FBXO31: variants seen among roughly 807,000 people sequenced by gnomAD.
FBXO31 encodes the protein F-box only protein 31.
FBXO31 carries 24 observed loss-of-function variants against 54.4 expected under a neutral mutation model. That is an observed-to-expected ratio of 0.44 (90% CI 0.32 to 0.62). The LOEUF (loss-of-function observed/expected upper bound fraction) is 0.62, where lower values mean the gene tolerates loss of function less well. FBXO31 is among the 20% of genes least tolerant of loss of function. The probability of loss-of-function intolerance (pLI) is 0.05; values close to 1 mark genes in which losing one functional copy is unlikely to be tolerated. For missense variants in FBXO31, 665 were observed against 787.1 expected, an observed-to-expected ratio of 0.84 and a Z score of 1.86; for synonymous variants, 388 against 335.6, an observed-to-expected ratio of 1.16 and a Z score of -1.71.
Position 87,336,364 on chromosome 16 carries a change from A to T in FBXO31, c.733-100T>A. On this transcript the variant is annotated intron_variant, in intron 5 of 8. Transcript: ENST00000311635. This position sits in a 1 kb window ranked among gnomAD's most constrained non-coding sequence, Gnocchi z 6.5. ...AGGACACAGTGTGTCCTTCTTTGTC[A>T]GTGCACAGGCACCTGCAGGGCCCTC... 1 of 1,033,234 alleles carries T rather than the reference A, an allele frequency of 9.7e-7. No individual in the cohort carries two copies. Among genetic ancestry groups the T allele is most frequent in the East Asian group, 2.5e-5 (1 of 40,696 alleles). 64.0% of individuals were successfully genotyped at this position (1,033,234 alleles called of 1,614,324 possible). A position where few individuals can be genotyped will look rare whatever the true frequency, so the allele number is the denominator to read the frequency against.
In FBXO31 at chr16:87,329,167, T is replaced by C; in HGVS notation, c.*2121A>G. On this transcript the variant is annotated 3_prime_UTR_variant, in exon 9 of 9. Transcript: ENST00000311635. ...TGCGGCCAAAAAGGCCTCCCTTTCCTGGCTGTGTGGCTCTGGCCCTGCCTG... is the reference window on the plus strand; with the variant it reads ...TGCGGCCAAAAAGGCCTCCCTTTCCCGGCTGTGTGGCTCTGGCCCTGCCTG... 6.5e-6 allele frequency: 1 copy of C among 152,710 alleles called. No individual in the cohort carries two copies. The highest frequency in any genetic ancestry group is 1.5e-5 in the Non-Finnish European group (1 of 68,340). 9.5% of individuals were successfully genotyped at this position (152,710 alleles called of 1,614,324 possible).
At chr16:87,354,608 A>C (rs959593794) in intron 2 of FBXO31, among the ~76,000 whole-genome samples, 2 of 152,176 alleles carry the variant, frequency 1.3e-5, no homozygotes, top group African/African-American at 4.8e-5. Context: ...CCAGAGTGCC[A>C]GGCAACCTCA....
intron 4 of FBXO31, among the ~76,000 whole-genome samples, chr16:87,343,259 T>A (rs887340593): frequency 5.9e-5 from 9 of 152,340 alleles, no homozygotes; most frequent in Non-Finnish European, 1.3e-4. Context: ...GTGCTCACCG[T>A]GGGGGCCACT....
At chr16:87,339,600 T>A (rs1905130751) in intron 5 of FBXO31, among the ~76,000 whole-genome samples, 1 of 152,148 alleles carries the variant, frequency 6.6e-6, no homozygotes, top group African/African-American at 2.4e-5. Flanking sequence ...ACCCTCACCC[T>A]GTCAACTCCC....
intron 1 of FBXO31, among the ~76,000 whole-genome samples, chr16:87,365,024 T>TATATATATATATTAA (rs1567482785): frequency 9.7e-6 from 1 of 102,912 alleles, no homozygotes; most frequent in Non-Finnish European, 2.0e-5. Flanking sequence ...TATATATATA[T>TATATATATATATTAA]ATATATATAT....
chr16:87,352,551 C>T (rs980801207), intron 2 of FBXO31, among the ~76,000 whole-genome samples: 4 of 152,184 alleles, frequency 2.6e-5, no homozygotes, highest in Non-Finnish European at 5.9e-5. Flanking sequence ...ATCCCACAGG[C>T]CTGTTCAGGT....
chr16:87,341,416 G>A (rs1478879117), intron 5 of FBXO31, among the ~76,000 whole-genome samples: 1 of 152,140 alleles, frequency 6.6e-6, no homozygotes, highest in Non-Finnish European at 1.5e-5. Flanking sequence ...GGCACTTTGG[G>A]AGGCCGAGAT....
At chr16:87,370,269 G>A (rs1223326024) in intron 1 of FBXO31, among the ~76,000 whole-genome samples, 3 of 152,182 alleles carry the variant, frequency 2.0e-5, no homozygotes, top group Non-Finnish European at 4.4e-5. Context: ...CAGCGTGGCC[G>A]AGCCCGCACT....
chr16:87,359,482 T>G (rs778903075), intron 2 of FBXO31, among the ~76,000 whole-genome samples: 10 of 152,352 alleles, frequency 6.6e-5, no homozygotes, highest in Non-Finnish European at 1.3e-4. Context: ...ACATGACTTT[T>G]GGTGCTGACA....
chr16:87,331,486 C>T lies in FBXO31; in HGVS notation c.1422G>A (p.Ala474=), dbSNP rs780671925. ...RMCFYGTGLI[A]GHGFTSPERT... ...GTTCAGGGCTGGTGAAGCCGTGGCC[C>T]GCGATGAGGCCTGTGCCATAAAAAC... is the stretch of plus-strand genomic sequence containing the variant. The change falls in exon 9 of 9, where the codon GCG becomes GCA. Residue 474 remains alanine, a synonymous_variant. Coordinates refer to ENST00000311635, the MANE Select transcript of FBXO31 (RefSeq NM_024735.5). 39 of 1,610,270 alleles carry T rather than the reference C, an allele frequency of 2.4e-5. No homozygotes were observed. The highest frequency in any genetic ancestry group is 1.7e-4 in the African/African-American group (13 of 74,870).
chr16:87,342,275 G>C (rs1386690752), intron 5 of FBXO31, among the ~76,000 whole-genome samples: 1 of 151,986 alleles, frequency 6.6e-6, no homozygotes, highest in Non-Finnish European at 1.5e-5. Context: ...GGCTGGTTTT[G>C]AACTCCTGAC....
chr16:87,370,737 G>C (rs1226844571), intron 1 of FBXO31, among the ~76,000 whole-genome samples: 1 of 152,194 alleles, frequency 6.6e-6, no homozygotes, highest in East Asian at 1.9e-4. Context: ...AGCAGAGGGG[G>C]CGGCGAGTGC....
intron 2 of FBXO31, among the ~76,000 whole-genome samples, chr16:87,357,778 A>T (rs1167825071): frequency 6.6e-6 from 1 of 152,078 alleles, no homozygotes; most frequent in Non-Finnish European, 1.5e-5. Context: ...TAAAAATACA[A>T]AAAAATTTGC....
intron 2 of FBXO31, among the ~76,000 whole-genome samples, chr16:87,354,427 C>T (rs991961034): frequency 4.6e-5 from 7 of 151,702 alleles, no homozygotes; most frequent in South Asian, 2.1e-4. Context: ...GCCATAACCG[C>T]GCCAGTACTC....
At chr16:87,370,988 A>C (rs904189381) in intron 1 of FBXO31, among the ~76,000 whole-genome samples, 1 of 152,108 alleles carries the variant, frequency 6.6e-6, no homozygotes, top group Non-Finnish European at 1.5e-5. Context: ...ACAGCGCCCC[A>C]ACTGCGGCCC....
chr16:87,359,325 T>C (rs1434567600), intron 2 of FBXO31, among the ~76,000 whole-genome samples: 1 of 152,138 alleles, frequency 6.6e-6, no homozygotes, highest in East Asian at 1.9e-4. Context: ...TATGCCCGGA[T>C]GGCCTCTCCC....
Position 87,360,295 on chromosome 16 carries a change from G to A in FBXO31, c.412C>T (p.Leu138=), listed in dbSNP as rs1467886168. Residue 138 remains leucine, a splice_region_variant and synonymous_variant, in exon 2 of 9, where the codon CTG becomes TTG. Transcript: ENST00000311635. ...GATGGTAACAAATAGATTCACTCAC[G>A]CTTCGCATAGACGTCCCGACAAGAC... ...GVSCRDVYAK[L]LHRYRHILGL... is the part of the protein sequence containing the mutation. 6.8e-6 allele frequency: 11 copies of A among 1,613,890 alleles called. No homozygotes were observed. Among genetic ancestry groups the A allele is most frequent in the Middle Eastern group, 1.7e-4 (1 of 6,060 alleles).
intron 3 of FBXO31, among the ~76,000 whole-genome samples, chr16:87,344,376 C>T (rs759921276): frequency 2.0e-5 from 3 of 152,226 alleles, no homozygotes; most frequent in South Asian, 4.1e-4. Flanking sequence ...CGTGCGATCT[C>T]GCGTGTCCGG....
chr16:87,391,692 G>T (rs1053508925), upstream of FBXO31: 1 of 152,318 alleles, frequency 6.6e-6, no homozygotes, highest in African/African-American at 2.4e-5. Context: ...GCGCAAACGC[G>T]CCAAGGCTGG....
Sources: gnomAD v4.1 joint callset for allele counts (sites outside exome capture counted in the v4.1 genomes callset) on GRCh38, gnomAD v4.1.1 for gene constraint, Gnocchi (gnomAD v3.1) non-coding constraint, MANE v1.5 for transcripts, NCBI Gene and HGNC (gene_info 2026-07-23, HGNC 2026-07-21) for gene names.